CNOT4: variants seen among roughly 807,000 people sequenced by gnomAD.
CNOT4 encodes the protein CCR4-associated factor 4.
CNOT4 carries 8 observed loss-of-function variants against 73.8 expected under a neutral mutation model. The observed-to-expected ratio is 0.11, with a 90% CI of 0.06 to 0.20. The LOEUF (loss-of-function observed/expected upper bound fraction) is 0.20. Among genes scored for constraint, CNOT4 ranks in the 10% least tolerant of loss-of-function variants. The pLI is 1.00. For missense variants in CNOT4, 564 were observed against 883.4 expected, an observed-to-expected ratio of 0.64 and a Z score of 4.58; for synonymous variants, 293 against 321.1, an observed-to-expected ratio of 0.91 and a Z score of 0.94.
At chr7:135,438,019 T>A in intron 2 of CNOT4, 139 bp downstream of exon 2, 2 of 503,380 alleles carry the variant, frequency 4.0e-6, no homozygotes, top group Non-Finnish European at 7.0e-6. Context: ...CCACCTTATA[T>A]CTTAAAATAA....
At chr7:135,365,298 C>T (rs1794853368) in intron 10 of CNOT4, among the ~76,000 whole-genome samples, 1 of 152,036 alleles carries the variant, frequency 6.6e-6, no homozygotes. Context: ...AGAAAAAGCA[C>T]TCTAGGCTAC....
chr7:135,485,361 CA>C (rs1802651153), intron 1 of CNOT4, among the ~76,000 whole-genome samples: 1 of 152,180 alleles, frequency 6.6e-6, no homozygotes, highest in Admixed American at 6.5e-5. Context: ...TGAGCCACCA[CA>C]GCTGGCGGTT....
At chr7:135,473,052 AT>A (rs765093321) in intron 1 of CNOT4, among the ~76,000 whole-genome samples, 1,689 of 152,096 alleles carry the variant, frequency 0.011, 7 homozygotes, top group Non-Finnish European at 0.018. Context: ...AAAAAAAAAA[AT>A]ACAATTTATA....
chr7:135,442,972 T>C (rs775265518), intron 1 of CNOT4, among the ~76,000 whole-genome samples: 5 of 152,040 alleles, frequency 3.3e-5, no homozygotes, highest in Non-Finnish European at 7.4e-5. Context: ...GGCAGGAGGA[T>C]TGCTTGACCA....
At chr7:135,369,920 T>C (rs1391539860) in intron 10 of CNOT4, among the ~76,000 whole-genome samples, 1 of 152,204 alleles carries the variant, frequency 6.6e-6, no homozygotes, top group Non-Finnish European at 1.5e-5. Flanking sequence ...ACAAAATTTG[T>C]CATATTGAAA....
At chr7:135,495,664 T>C (rs1388416926) in intron 1 of CNOT4, among the ~76,000 whole-genome samples, 3 of 95,788 alleles carry the variant, frequency 3.1e-5, no homozygotes, top group African/African-American at 4.4e-5. Context: ...AGTGAGACCC[T>C]GTGTCAAAAA....
intron 2 of CNOT4, among the ~76,000 whole-genome samples, chr7:135,429,687 C>T (rs547290194): frequency 1.4e-4 from 22 of 152,290 alleles, no homozygotes; most frequent in African/African-American, 4.8e-4. Flanking sequence ...ATGAAAGTAA[C>T]AGACAAGCCC....
intron 1 of CNOT4, among the ~76,000 whole-genome samples, chr7:135,450,083 C>A (rs1349463876): frequency 6.6e-6 from 1 of 152,088 alleles, no homozygotes; most frequent in Non-Finnish European, 1.5e-5. Flanking sequence ...CAGTGGCCAA[C>A]ACGTGTAATC....
At chr7:135,423,109 T>TAAGTATTCAAAAGTC (rs1377878360) in intron 2 of CNOT4, among the ~76,000 whole-genome samples, 2 of 152,204 alleles carry the variant, frequency 1.3e-5, no homozygotes, top group Non-Finnish European at 2.9e-5. Context: ...GTCCTACATA[T>TAAGTATTCAAAAGTC]AAGTATTCAA....
chr7:135,376,675 T>C (rs1041752443), intron 10 of CNOT4, among the ~76,000 whole-genome samples: 4 of 152,230 alleles, frequency 2.6e-5, no homozygotes, highest in African/African-American at 9.6e-5. Context: ...CCCAGTTCTT[T>C]ACTGCATTTG....
chr7:135,428,550 G>C (rs1798640592), intron 2 of CNOT4, among the ~76,000 whole-genome samples: 1 of 152,026 alleles, frequency 6.6e-6, no homozygotes, highest in African/African-American at 2.4e-5. Flanking sequence ...TCTAGGTATG[G>C]AAAACACAAA....
At chr7:135,414,557 T>C (rs1170870576) in intron 4 of CNOT4, 125 bp from the exon 5 acceptor site, 3 of 550,478 alleles carry the variant, frequency 5.4e-6, no homozygotes, top group Middle Eastern at 2.8e-4. Flanking sequence ...CAATAATTAG[T>C]AGTAGTAGTG....
At chr7:135,405,490 CAAACTT>C (rs1217883267) in intron 7 of CNOT4, among the ~76,000 whole-genome samples, 2 of 152,112 alleles carry the variant, frequency 1.3e-5, no homozygotes, top group Non-Finnish European at 2.9e-5. Flanking sequence ...TTCAAAGCCC[CAAACTT>C]AAAAATAATA....
chr7:135,376,667 C>T (rs990583887), intron 10 of CNOT4, among the ~76,000 whole-genome samples: 2 of 152,100 alleles, frequency 1.3e-5, no homozygotes, highest in African/African-American at 4.8e-5. Flanking sequence ...ACATCAAACC[C>T]AGTTCTTTAC....
Position 135,394,147 on chromosome 7 carries a change from A to G in CNOT4, c.1398T>C (p.Asn466=), listed in dbSNP as rs777325587. ...TCTGGGGCAAGACTGAAAAGGTACT[A>G]TTGAGAGAATTGGCATTTGTAGCTG... is the stretch of plus-strand genomic sequence containing the variant. ...PAAATNANSL[N]STFSVLPQRF... Residue 466 remains asparagine, a synonymous_variant, in exon 10 of 12, where the codon AAT becomes AAC. Transcript: ENST00000541284. 3 of 1,614,172 alleles carry G rather than the reference A, an allele frequency of 1.9e-6. No individual in the cohort carries two copies. Among genetic ancestry groups the G allele is most frequent in the South Asian group, 2.2e-5 (2 of 91,080 alleles).
chr7:135,422,475 G>T, intron 2 of CNOT4, 122 bp from the exon 3 acceptor site: 2 of 563,740 alleles, frequency 3.5e-6, no homozygotes, highest in Non-Finnish European at 6.3e-6. Flanking sequence ...TTATTAGAAT[G>T]TTTTAACTGC....
intron 10 of CNOT4, among the ~76,000 whole-genome samples, chr7:135,382,440 A>C (rs1415377357): frequency 1.3e-5 from 2 of 152,210 alleles, no homozygotes; most frequent in East Asian, 3.9e-4. Context: ...TTCTTGAGCA[A>C]TGATTTGTAC....
intron 2 of CNOT4, among the ~76,000 whole-genome samples, chr7:135,436,417 C>G (rs1215675344): frequency 6.6e-6 from 1 of 151,638 alleles, no homozygotes; most frequent in African/African-American, 2.4e-5. Context: ...TCCTTAGAGT[C>G]TTGGGCAATC....
chr7:135,431,131 G>A (rs117297189), intron 2 of CNOT4, among the ~76,000 whole-genome samples: 3,672 of 152,230 alleles, frequency 0.024, 55 homozygotes, highest in Non-Finnish European at 0.036. Context: ...TGGGCATGGT[G>A]GCACATGCCT....
Sources: gnomAD v4.1 joint callset for allele counts (sites outside exome capture counted in the v4.1 genomes callset) on GRCh38, gnomAD v4.1.1 for gene constraint, MANE v1.5 for transcripts, NCBI Gene and HGNC (gene_info 2026-07-23, HGNC 2026-07-21) for gene names.